CTPS1: variants seen among roughly 807,000 people sequenced by gnomAD.
The protein encoded by CTPS1 is CTP synthase 1, also known as CTP synthetase 1.
A neutral mutation model predicts 80.5 loss-of-function variants in CTPS1; 25 were observed. That is an observed-to-expected ratio of 0.31 (90% CI 0.23 to 0.43). CTPS1 has a LOEUF of 0.43. Among genes scored for constraint, CTPS1 ranks in the 20% least tolerant of loss-of-function variants. The pLI is 1.00. For synonymous variants in CTPS1, 267 were observed against 252.5 expected (o/e 1.06, Z -0.54); for missense variants, 442 against 725.7 (o/e 0.61, Z 4.49).
At chr1:41,001,158 G>C (rs1642894688) in intron 10 of CTPS1, 41 bp downstream of exon 10, 1 of 1,486,176 alleles carries the variant, frequency 6.7e-7, no homozygotes, top group Admixed American at 2.1e-5. Flanking sequence ...GAGTTCTTTT[G>C]GTTTGTTTTA....
intron 18 of CTPS1, among the ~76,000 whole-genome samples, chr1:41,011,314 TACA>T (rs1324717783): frequency 2.6e-5 from 4 of 152,202 alleles, no homozygotes; most frequent in Non-Finnish European, 5.9e-5. Flanking sequence ...AAGGAGCTGA[TACA>T]ACAAGAACTG....
intron 1 of CTPS1, among the ~76,000 whole-genome samples, chr1:40,981,466 A>G (rs1642286660): frequency 6.6e-6 from 1 of 152,234 alleles, no homozygotes; most frequent in African/African-American, 2.4e-5. Context: ...GGATCATCCA[A>G]AACTTAGGGA....
chr1:40,989,192 T>C (rs910446655), intron 5 of CTPS1, among the ~76,000 whole-genome samples: 3 of 152,178 alleles, frequency 2.0e-5, no homozygotes, highest in African/African-American at 7.2e-5. Flanking sequence ...TAACTACTGC[T>C]TCAGAAGACT....
intron 2 of CTPS1, among the ~76,000 whole-genome samples, 155 bp from the exon 3 acceptor site, chr1:40,984,663 CTTT>C (rs1454989963): frequency 6.6e-6 from 1 of 152,152 alleles, no homozygotes; most frequent in Non-Finnish European, 1.5e-5. Flanking sequence ...GGTAATTTTT[CTTT>C]TTGTGTGTCA....
At chr1:40,983,501 A>G (rs1458483866) in intron 2 of CTPS1, 45 bp downstream of exon 2, 1 of 1,505,054 alleles carries the variant, frequency 6.6e-7, no homozygotes, top group East Asian at 2.3e-5. Context: ...GTGGCAGAAC[A>G]TGTCAGCACT....
chr1:40,987,638 C>T lies in CTPS1; in HGVS notation c.438+166C>T, dbSNP rs541728638. ...AGTTAACAGTCATGTGGAATGGCCA[C>T]GCAAGGGAAAACCGTAGTTTGCCCA... On this transcript the variant is annotated intron_variant, in intron 4 of 18. Transcript: ENST00000650070. Among the ~76,000 whole-genome samples, 13 of 152,276 alleles carry T rather than the reference C, an allele frequency of 8.5e-5. No homozygotes were observed. In the East Asian group the frequency reaches 1.3e-3, roughly 16 times the overall value.
chr1:40,997,004 CAAA>C, intron 8 of CTPS1: 1 of 152,136 alleles, frequency 6.6e-6, no homozygotes, highest in South Asian at 2.1e-4. Context: ...AAAACAAAAA[CAAA>C]AAAAAAATTT....
At chr1:40,991,928 T>C (rs1356675791) in intron 7 of CTPS1, 83 bp downstream of exon 7, 1 of 1,063,016 alleles carries the variant, frequency 9.4e-7, no homozygotes, top group East Asian at 2.5e-5. Flanking sequence ...GTGAGGCTTG[T>C]TATTTTCTAA....
At chr1:40,998,815 T>C (rs1642827868) in intron 9 of CTPS1, among the ~76,000 whole-genome samples, 1 of 152,152 alleles carries the variant, frequency 6.6e-6, no homozygotes, top group African/African-American at 2.4e-5. Context: ...ACTTCCCAGG[T>C]GTTTCTCAGC....
rs775669600 is a variant in CTPS1, at chr1:41,008,917, T to C, written c.1546+27T>C. The stretch of plus-strand genomic sequence containing the variant: ...TGATTATTCGGGCAGTTTTATTTAA[T>C]GGAAAACTTAGTAAAGTTTTCTTGG... On this transcript the variant is annotated intron_variant, in intron 16 of 18. Transcript: ENST00000650070. 7 of 1,569,114 alleles carry C rather than the reference T, an allele frequency of 4.5e-6. No homozygotes were observed. In the African/African-American group the frequency reaches 9.5e-5, roughly 21 times the overall value.
intron 2 of CTPS1, 143 bp from the exon 3 acceptor site, chr1:40,984,678 A>G (rs1192096577): frequency 5.1e-6 from 3 of 590,518 alleles, no homozygotes; most frequent in Non-Finnish European, 5.5e-6. Context: ...TGTGTGTCAT[A>G]TTTAGTCTTC....
At chr1:40,982,970 C>T (rs986004080) in intron 1 of CTPS1, among the ~76,000 whole-genome samples, 9 of 152,200 alleles carry the variant, frequency 5.9e-5, no homozygotes, top group Admixed American at 6.5e-5. Context: ...GTTCTATCAG[C>T]CAGCTTAGAG....
chr1:40,999,687 TACTC>T (rs1286147404), intron 9 of CTPS1, among the ~76,000 whole-genome samples: 3 of 152,236 alleles, frequency 2.0e-5, no homozygotes, highest in Non-Finnish European at 4.4e-5. Flanking sequence ...CATTCCCAGA[TACTC>T]ACTTGAGAGA....
chr1:41,000,408 A>ATT lies in CTPS1; in HGVS notation c.1006-606_1006-605dup, dbSNP rs549386080. 2.4e-3 allele frequency among the ~76,000 whole-genome samples: 319 copies of ATT among 134,420 alleles called. 2 individuals carry two copies. The highest frequency in any genetic ancestry group is 1.2e-3 in the Non-Finnish European group (77 of 62,070). The allele number at this position is 134,420 out of a possible 152,430, so 88.2% of individuals were successfully genotyped here. The stretch of plus-strand genomic sequence containing the variant: ...CAGGTGCATGCCACCACACCCAGCT[A>ATT]TTTTTTTTTTTTTTTTGTATTTTTA... On this transcript the variant is annotated intron_variant, in intron 9 of 18. Transcript: ENST00000650070.
chr1:41,005,148 A>G (rs1161292417), intron 12 of CTPS1, among the ~76,000 whole-genome samples: 1 of 151,882 alleles, frequency 6.6e-6, no homozygotes, highest in Non-Finnish European at 1.5e-5. Context: ...AACAAACAAT[A>G]TAAGAACTGT....
At chr1:41,003,684 C>T (rs367656809) in intron 12 of CTPS1, among the ~76,000 whole-genome samples, 1 of 152,218 alleles carries the variant, frequency 6.6e-6, no homozygotes, top group Admixed American at 6.5e-5. Context: ...TAAATAGTCT[C>T]TAGTAGTGCC....
chr1:40,985,715 C>G (rs1213872688), intron 3 of CTPS1, among the ~76,000 whole-genome samples: 1 of 152,180 alleles, frequency 6.6e-6, no homozygotes, highest in Non-Finnish European at 1.5e-5. Flanking sequence ...GAGGGTCACA[C>G]TGACAGCTGG....
chr1:41,009,033 A>G (rs1643103700), intron 16 of CTPS1, 143 bp downstream of exon 16: 1 of 706,438 alleles, frequency 1.4e-6, no homozygotes, highest in East Asian at 2.7e-5. Flanking sequence ...GGGTCTTGAT[A>G]AACATGGGGT....
rs71278720 is a variant in CTPS1, at chr1:40,993,774, CTTTTTTTTTTTTT to C, written c.720+1939_720+1951del. 7.6e-4 allele frequency among the ~76,000 whole-genome samples: 65 copies of C among 85,804 alleles called. 4 individuals are homozygous for C. In the South Asian group the frequency reaches 0.031, roughly 41 times the overall value. The allele number at this position is 85,804 out of a possible 152,430, so 56.3% of individuals were successfully genotyped here. ...GCCTTGTCTTTTCATTTTCTTCTCTCTTTTTTTTTTTTTTTTTTTTTTGAGATGGAGTCTTGAT... is the reference window on the plus strand; with the variant it reads ...GCCTTGTCTTTTCATTTTCTTCTCTCTTTTTTTTTGAGATGGAGTCTTGAT... On this transcript the variant is annotated intron_variant, in intron 7 of 18. Transcript: ENST00000650070.
Sources: allele counts gnomAD v4.1 joint callset (sites outside exome capture counted in the v4.1 genomes callset), GRCh38; gene constraint gnomAD v4.1.1; transcripts MANE v1.5; gene names NCBI Gene and HGNC (gene_info 2026-07-23, HGNC 2026-07-21).